The following BLTP1 variants were observed in gnomAD, a reference collection of about 807,000 sequenced individuals.
BLTP1 encodes the protein bridge-like lipid transfer protein family member 1.
the BLTP1 span, chr4:122,237,734 C>T: frequency 9.6e-5 from 36 of 373,456 alleles, no homozygotes; most frequent in Non-Finnish European, 1.3e-4. Flanking sequence ...CCTGTAATCC[C>T]AGCACTTTGG....
At chr4:122,200,454 C>A in the BLTP1 span, 1 of 562,076 alleles carries the variant, frequency 1.8e-6, no homozygotes, top group Non-Finnish European at 2.3e-6. Flanking sequence ...GGCGCGCATG[C>A]CTGTAATCCC....
chr4:122,286,907 G>A, the BLTP1 span: 1 of 833,138 alleles, frequency 1.2e-6, no homozygotes, highest in South Asian at 1.9e-5. Context: ...TGTTTTCACA[G>A]AAGAATTCTA....
chr4:122,218,107 C>G, the BLTP1 span, among the ~76,000 whole-genome samples: 4 of 151,898 alleles, frequency 2.6e-5, no homozygotes, highest in Admixed American at 2.6e-4. Context: ...TCTCTCTTCT[C>G]TTCTTGGTTA....
the BLTP1 span, chr4:122,225,908 A>G: frequency 6.6e-6 from 1 of 152,190 alleles, no homozygotes; most frequent in Non-Finnish European, 1.5e-5. Flanking sequence ...AAGACTGGGT[A>G]CAATTCCTTT....
At chr4:122,336,377 C>T in the BLTP1 span, 1 of 1,450,450 alleles carries the variant, frequency 6.9e-7, no homozygotes, top group Non-Finnish European at 9.4e-7. Flanking sequence ...TTATATACCT[C>T]CCCATAACAT....
the BLTP1 span, chr4:122,269,337 ATAC>A: frequency 6.5e-5 from 56 of 865,120 alleles, no homozygotes; most frequent in Non-Finnish European, 7.5e-5. Flanking sequence ...AAACCATATA[ATAC>A]TACAACAGAC....
the BLTP1 span, chr4:122,324,632 TAAC>T: frequency 3.4e-5 from 32 of 939,210 alleles, no homozygotes; most frequent in Non-Finnish European, 4.4e-5. Context: ...AAAATTAAGA[TAAC>T]AAAAATTAAT....
the BLTP1 span, chr4:122,341,574 A>T: frequency 1.6e-6 from 1 of 631,140 alleles, no homozygotes; most frequent in Non-Finnish European, 2.0e-6. Context: ...GAAATGAGAA[A>T]TTTTTTATGC....
the BLTP1 span, chr4:122,350,130 A>G: frequency 6.5e-7 from 1 of 1,543,546 alleles, no homozygotes; most frequent in South Asian, 1.2e-5. Flanking sequence ...AATATGTTAC[A>G]TTTTTAATTT....
chr4:122,346,076 G>A, the BLTP1 span: 1 of 904,200 alleles, frequency 1.1e-6, no homozygotes. Context: ...AGAAATTTTA[G>A]CTGTGGGAGT....
At chr4:122,227,619 T>C in the BLTP1 span, 5 of 256,408 alleles carry the variant, frequency 2.0e-5, no homozygotes, top group East Asian at 8.8e-4. Flanking sequence ...TCTTCTGCTA[T>C]ACAAATTATA....
chr4:122,331,331 C>T, the BLTP1 span: 99 of 1,608,882 alleles, frequency 6.2e-5, no homozygotes, highest in South Asian at 9.8e-4. Flanking sequence ...TGTAGACATA[C>T]GTCTCGTAAA....
At chr4:122,247,764 G>A in the BLTP1 span, 1 of 1,004,772 alleles carries the variant, frequency 1.0e-6, no homozygotes, top group East Asian at 9.6e-5. Context: ...AAACCAGAGA[G>A]TCTGTAAAAT....
At chr4:122,236,037 G>C in the BLTP1 span, among the ~76,000 whole-genome samples, 1 of 152,126 alleles carries the variant, frequency 6.6e-6, no homozygotes, top group Non-Finnish European at 1.5e-5. Context: ...TTGTAGAAAA[G>C]TCTTGATACT....
chr4:122,222,300 A>AT, the BLTP1 span, among the ~76,000 whole-genome samples: 1 of 152,248 alleles, frequency 6.6e-6, no homozygotes, highest in South Asian at 2.1e-4. Context: ...CAAGGCTCAA[A>AT]TCTGGGTTAC....
chr4:122,220,225 T>C, the BLTP1 span: 1 of 1,233,698 alleles, frequency 8.1e-7, no homozygotes, highest in Admixed American at 2.6e-5. Context: ...TTCTCTGTTT[T>C]TGAAAAACAA....
the BLTP1 span, among the ~76,000 whole-genome samples, chr4:122,275,213 A>G: frequency 5.7e-4 from 87 of 152,134 alleles, 2 homozygotes; most frequent in Non-Finnish European, 1.1e-3. Context: ...TATTAATTAT[A>G]ATATTATTAA....
the BLTP1 span, among the ~76,000 whole-genome samples, chr4:122,268,419 A>G: frequency 1.3e-5 from 2 of 152,166 alleles, no homozygotes; most frequent in African/African-American, 4.8e-5. Context: ...TGCACTTTCA[A>G]TGTCATGAAA....
At chr4:122,331,936 A>T in the BLTP1 span, 1 of 272,742 alleles carries the variant, frequency 3.7e-6, no homozygotes, top group South Asian at 1.4e-4. Context: ...AAAGACTGGG[A>T]GACAGTTACA....
Sources: allele counts gnomAD v4.1 joint callset (sites outside exome capture counted in the v4.1 genomes callset), GRCh38; gene constraint gnomAD v4.1.1; transcripts MANE v1.5; gene names NCBI Gene and HGNC (gene_info 2026-07-23, HGNC 2026-07-21).